Variants in EIF2AK4 observed in about 807,000 individuals in gnomAD.
EIF2AK4 encodes the protein eukaryotic translation initiation factor 2 alpha kinase 4.
A neutral mutation model predicts 211.1 loss-of-function variants in EIF2AK4; 139 were observed. That is an observed-to-expected ratio of 0.66 (90% confidence interval 0.57 to 0.76). The LOEUF (loss-of-function observed/expected upper bound fraction) is 0.76. Among genes scored for constraint, EIF2AK4 ranks in the 30% least tolerant of loss-of-function variants. The pLI is 0.00. For missense variants in EIF2AK4, 1,664 were observed against 2,043.8 expected (o/e 0.81, Z 3.58); for synonymous variants, 710 against 751.3 (o/e 0.94, Z 0.90).
At chr15:40,009,823 C>A in intron 26 of EIF2AK4, 93 bp downstream of exon 26, 1 of 920,224 alleles carries the variant, frequency 1.1e-6, no homozygotes, top group Non-Finnish European at 1.7e-6. Context: ...ACCCATGCAG[C>A]CATGAAACTG....
At chr15:40,001,633 C>CAAAA (rs11383908) in intron 21 of EIF2AK4, among the ~76,000 whole-genome samples, 4 of 120,308 alleles carry the variant, frequency 3.3e-5, no homozygotes, top group Admixed American at 9.4e-5. Context: ...GACCCCAACT[C>CAAAA]AAAAAAAAAA....
Position 39,967,759 on chromosome 15 carries a change from A to T in EIF2AK4, c.1433A>T (p.Lys478Ile). ...DNALPYKTGKKGDVWRLGLLL... is the reference protein window; with the variant it reads ...DNALPYKTGKIGDVWRLGLLL... ...GCTCTGCCTTATAAAACGGGGAAGAAAGGAGATGTTTGGCGTCTTGGCCTT... is the reference window on the plus strand; with the variant it reads ...GCTCTGCCTTATAAAACGGGGAAGATAGGAGATGTTTGGCGTCTTGGCCTT... Residue 478 changes from lysine (K) to isoleucine (I), a missense_variant, in exon 9 of 39, where the codon AAA (lysine) becomes ATA (isoleucine). By Grantham distance (102) the Lys-to-Ile change is moderately radical. This residue lies in a region of EIF2AK4 where 641 missense variants were observed against 729.6 expected (regional missense o/e 0.88). Transcript: ENST00000263791. The T allele has an allele frequency of 3.1e-6, 5 of 1,614,158 alleles. No homozygotes were observed. Among genetic ancestry groups the T allele is most frequent in the Non-Finnish European group, 4.2e-6 (5 of 1,180,026 alleles).
chr15:40,000,838 T>G lies in EIF2AK4; in HGVS notation c.2923-150T>G, dbSNP rs75819427. ...TGTGGTCATAATAAAGCAGAAAAAATAATGACCTATTCAGAAATTTCAGAA... is the reference window on the plus strand; with the variant it reads ...TGTGGTCATAATAAAGCAGAAAAAAGAATGACCTATTCAGAAATTTCAGAA... On this transcript the variant is annotated intron_variant, in intron 20 of 38. Transcript: ENST00000263791. 3.5e-5 allele frequency: 13 copies of G among 370,958 alleles called. 1 individual carries two copies. The highest frequency in any genetic ancestry group is 1.6e-4 in the South Asian group (4 of 24,738). The allele number at this position is 370,958 out of a possible 1,614,324, so 23.0% of individuals were successfully genotyped here.
At chr15:39,965,348 T>A (rs1403192938) in intron 7 of EIF2AK4, among the ~76,000 whole-genome samples, 1 of 152,198 alleles carries the variant, frequency 6.6e-6, no homozygotes, top group Non-Finnish European at 1.5e-5. Context: ...GGTCTCGAAC[T>A]CCTGACCTCA....
rs760411800 is a variant in EIF2AK4, at chr15:39,973,713, A to C, written c.1782A>C (p.Gln594His). 4 of 1,614,144 alleles carry C rather than the reference A, an allele frequency of 2.5e-6. No homozygotes were observed. Among genetic ancestry groups the C allele is most frequent in the Non-Finnish European group, 2.5e-6 (3 of 1,179,996 alleles). The stretch of plus-strand genomic sequence containing the variant: ...ACTTCATTGAGTTTGAAGAATTACA[A>C]CTTCTTGGTAAAGGAGCTTTTGGAG... ...SRYFIEFEEL[Q>H]LLGKGAFGAV... Residue 594 changes from glutamine (Q) to histidine (H), a missense_variant, in exon 11 of 39, where the codon CAA becomes CAC. Physicochemically the swap from Gln to His is conservative, Grantham distance 24. Coordinates refer to ENST00000263791, the MANE Select transcript of EIF2AK4 (RefSeq NM_001013703.4).
intron 6 of EIF2AK4, among the ~76,000 whole-genome samples, chr15:39,960,068 G>A (rs906774276): frequency 2.0e-4 from 30 of 151,674 alleles, no homozygotes; most frequent in Admixed American, 1.7e-3. Context: ...GGAGGCTGAG[G>A]CAGGAGAATG....
intron 33 of EIF2AK4, among the ~76,000 whole-genome samples, chr15:40,029,017 G>T (rs2035503119): frequency 6.6e-6 from 1 of 152,118 alleles, no homozygotes; most frequent in African/African-American, 2.4e-5. Context: ...TCTCCTGTGG[G>T]TGGTTGCCAA....
At position 39,978,156 on chromosome 15, in the gene EIF2AK4, A is replaced by G. The variant is rs200759892; in HGVS notation, c.2319+9A>G. ...GTAAAAGTCAGAATCAGGTATATAT[A>G]TGAATAGAAATTATATCATTTTATT... On this transcript the variant is annotated intron_variant, in intron 13 of 38. Coordinates refer to ENST00000263791, the MANE Select transcript of EIF2AK4 (RefSeq NM_001013703.4). The G allele has an allele frequency of 1.2e-4, 170 of 1,452,288 alleles. No individual in the cohort carries two copies. In the African/African-American group the frequency reaches 2.1e-3, roughly 18 times the overall value. 90.0% of individuals were successfully genotyped at this position (1,452,288 alleles called of 1,614,324 possible).
Position 39,985,786 on chromosome 15 carries a change from TG to T in EIF2AK4, c.2320-18del. On this transcript the variant is annotated intron_variant, in intron 13 of 38. Coordinates refer to ENST00000263791, the MANE Select transcript of EIF2AK4 (RefSeq NM_001013703.4). ...TTTTGGCCTCCATTTTGAGTTATTG[TG>T]TGTTCGTCTTGGGTTAGGATGAAGA... 6.2e-7 allele frequency: 1 copy of T among 1,613,612 alleles called. No individual in the cohort carries two copies. The highest frequency in any genetic ancestry group is 8.5e-7 in the Non-Finnish European group (1 of 1,179,720).
Position 40,035,270 on chromosome 15 carries a change from G to C in EIF2AK4, c.*186G>C. ...AGACTGCTTGAAACCAGGAGTTTGA[G>C]ACCAGCCTGAGCAACAAAGCAAGAC... On this transcript the variant is annotated 3_prime_UTR_variant, in exon 39 of 39. Coordinates refer to ENST00000263791, the MANE Select transcript of EIF2AK4 (RefSeq NM_001013703.4). 2.5e-6 allele frequency: 1 copy of C among 394,524 alleles called. No individual in the cohort carries two copies. The allele number at this position is 394,524 out of a possible 1,614,324, so 24.4% of individuals were successfully genotyped here.
At chr15:39,986,153 A>G (rs1347864470) in intron 14 of EIF2AK4, among the ~76,000 whole-genome samples, 2 of 152,250 alleles carry the variant, frequency 1.3e-5, no homozygotes, top group Non-Finnish European at 2.9e-5. Flanking sequence ...TTAGGACTGC[A>G]TGAACTCGGG....
At chr15:40,012,677 A>G (rs887291260) in intron 27 of EIF2AK4, among the ~76,000 whole-genome samples, 3 of 151,578 alleles carry the variant, frequency 2.0e-5, no homozygotes, top group African/African-American at 7.3e-5. Flanking sequence ...TTTTTTTTTA[A>G]GAAAGTCTTA....
At chr15:39,994,964 C>G (rs1013164827) in intron 18 of EIF2AK4, among the ~76,000 whole-genome samples, 1 of 152,126 alleles carries the variant, frequency 6.6e-6, no homozygotes, top group Non-Finnish European at 1.5e-5. Flanking sequence ...GCCTCAGACT[C>G]CCGAGTAGCT....
chr15:39,963,370 T>C (rs1167912020), intron 7 of EIF2AK4, among the ~76,000 whole-genome samples: 2 of 152,218 alleles, frequency 1.3e-5, no homozygotes, highest in Admixed American at 6.5e-5. Flanking sequence ...TCTCTTATTC[T>C]CACTGGTACT....
At chr15:39,947,150 C>T (rs1435235874) in intron 3 of EIF2AK4, among the ~76,000 whole-genome samples, 1 of 152,144 alleles carries the variant, frequency 6.6e-6, no homozygotes, top group Non-Finnish European at 1.5e-5. Context: ...CTGTGCAAAT[C>T]ACTCTTCTTG....
Position 40,012,512 on chromosome 15 carries a change from T to C in EIF2AK4, c.3759+1166T>C, listed in dbSNP as rs115533181. 4.5e-3 allele frequency among the ~76,000 whole-genome samples: 689 copies of C among 152,296 alleles called. 5 individuals carry two copies. Among genetic ancestry groups the C allele is most frequent in the Admixed American group, 0.017 (253 of 15,296 alleles). The stretch of plus-strand genomic sequence containing the variant: ...CAATATACAGTATTTACATATAATC[T>C]AAACATGTACACAGCACACACCTAT... On this transcript the variant is annotated intron_variant, in intron 27 of 38. Coordinates refer to ENST00000263791, the MANE Select transcript of EIF2AK4 (RefSeq NM_001013703.4).
At chr15:40,003,065 A>C (rs2035113864) in intron 22 of EIF2AK4, 128 bp from the exon 23 acceptor site, 1 of 1,388,912 alleles carries the variant, frequency 7.2e-7, no homozygotes, top group African/African-American at 1.4e-5. Context: ...AGAGAACTCA[A>C]GAAAAATTGA....
At chr15:40,010,861 G>A (rs1172952684) in intron 26 of EIF2AK4, among the ~76,000 whole-genome samples, 1 of 152,198 alleles carries the variant, frequency 6.6e-6, no homozygotes, top group Non-Finnish European at 1.5e-5. Context: ...CAGGGATTGT[G>A]CAAGGGGCTT....
chr15:40,021,637 AG>A (rs1176493893), intron 31 of EIF2AK4: 1 of 152,476 alleles, frequency 6.6e-6, no homozygotes, highest in African/African-American at 2.4e-5. Flanking sequence ...GACCTCCCAC[AG>A]CATGCAGGCC....
Sources: allele counts gnomAD v4.1 joint callset (sites outside exome capture counted in the v4.1 genomes callset), GRCh38; gene constraint gnomAD v4.1.1; regional missense constraint gnomAD v4.1.1; transcripts MANE v1.5; gene names NCBI Gene and HGNC (gene_info 2026-07-23, HGNC 2026-07-21).